Variants in BANK1 observed in about 807,000 individuals in gnomAD.
The protein encoded by BANK1 is B cell scaffold protein with ankyrin repeats 1, also known as B-cell scaffold protein with ankyrin repeats.
A neutral mutation model predicts 94.5 loss-of-function variants in BANK1; 95 were observed. The ratio of observed to expected loss-of-function variants is 1.00; its 90% CI spans 0.85 to 1.19. BANK1 has a LOEUF of 1.19. Ranked by LOEUF, BANK1 falls within the 50% of genes most tolerant of loss-of-function variation. The pLI is 0.00. For missense variants in BANK1, 987 were observed against 932.2 expected (o/e 1.06, Z -0.77); for synonymous variants, 334 against 308.4 (o/e 1.08, Z -0.87).
At chr4:101,958,906 T>C (rs1218424102) in intron 7 of BANK1, among the ~76,000 whole-genome samples, 1 of 152,176 alleles carries the variant, frequency 6.6e-6, no homozygotes, top group Non-Finnish European at 1.5e-5. Context: ...ATATAGATGA[T>C]CAAGTATTTG....
chr4:102,057,583 G>A (rs1728273673), intron 11 of BANK1, among the ~76,000 whole-genome samples: 2 of 151,974 alleles, frequency 1.3e-5, no homozygotes, highest in South Asian at 4.2e-4. Flanking sequence ...CACCTGCATC[G>A]GCCTCCCAAA....
At chr4:101,853,057 G>A (rs1727551270) in intron 2 of BANK1, among the ~76,000 whole-genome samples, 1 of 152,032 alleles carries the variant, frequency 6.6e-6, no homozygotes, top group African/African-American at 2.4e-5. Flanking sequence ...GTGTGTATAA[G>A]CCAGGAGGAA....
intron 4 of BANK1, among the ~76,000 whole-genome samples, chr4:101,865,063 A>C (rs1312036141): frequency 6.6e-6 from 1 of 152,088 alleles, no homozygotes; most frequent in African/African-American, 2.4e-5. Flanking sequence ...AGGGTTGGAG[A>C]CAGGAGGATG....
chr4:101,825,223 A>G (rs929975160), intron 1 of BANK1, among the ~76,000 whole-genome samples: 8 of 152,098 alleles, frequency 5.3e-5, no homozygotes, highest in African/African-American at 1.9e-4. Context: ...CTGTGCTTCA[A>G]GTTTATCATT....
At chr4:101,880,583 A>C (rs914878687) in intron 5 of BANK1, among the ~76,000 whole-genome samples, 1 of 152,142 alleles carries the variant, frequency 6.6e-6, no homozygotes, top group African/African-American at 2.4e-5. Flanking sequence ...ACTATCCTAA[A>C]GTTTATATGA....
At chr4:102,012,149 T>C (rs1434373365) in intron 7 of BANK1, among the ~76,000 whole-genome samples, 1 of 152,158 alleles carries the variant, frequency 6.6e-6, no homozygotes. Context: ...GGAAAAGAAA[T>C]ACTTAGGGTA....
intron 2 of BANK1, among the ~76,000 whole-genome samples, chr4:101,846,111 T>C (rs1458307380): frequency 6.6e-6 from 1 of 152,028 alleles, no homozygotes; most frequent in African/African-American, 2.4e-5. Context: ...TGAGAACATG[T>C]GGTGTTTGGC....
chr4:102,025,614 T>TGGTTTCAAAAGC, intron 9 of BANK1, 105 bp downstream of exon 9: 2 of 1,057,276 alleles, frequency 1.9e-6, no homozygotes, highest in Non-Finnish European at 2.7e-6. Flanking sequence ...AGATCAGCTT[T>TGGTTTCAAAAGC]TGAAACCAAT....
At chr4:101,983,120 A>G (rs1725375245) in intron 7 of BANK1, among the ~76,000 whole-genome samples, 3 of 152,064 alleles carry the variant, frequency 2.0e-5, no homozygotes, top group African/African-American at 7.2e-5. Context: ...TTTTCTTCTT[A>G]TGCCTAATAA....
chr4:101,982,856 A>G (rs960270222), intron 7 of BANK1, among the ~76,000 whole-genome samples: 2 of 151,940 alleles, frequency 1.3e-5, no homozygotes, highest in African/African-American at 4.8e-5. Context: ...CATATTTAAT[A>G]ATTTTATTCT....
intron 2 of BANK1, among the ~76,000 whole-genome samples, chr4:101,833,641 G>C (rs1231288675): frequency 6.6e-6 from 1 of 151,996 alleles, no homozygotes; most frequent in East Asian, 1.9e-4. Context: ...TCTTTTCTCT[G>C]TTTCCTCCTG....
intron 7 of BANK1, among the ~76,000 whole-genome samples, chr4:101,998,384 G>A (rs1578445041): frequency 6.6e-6 from 1 of 152,270 alleles, no homozygotes; most frequent in Admixed American, 6.5e-5. Context: ...TGAGAAGAAT[G>A]TATATTCTGT....
chr4:101,854,541 C>T (rs1422992420), intron 2 of BANK1, among the ~76,000 whole-genome samples: 3 of 151,832 alleles, frequency 2.0e-5, no homozygotes, highest in Non-Finnish European at 4.4e-5. Context: ...CACTATTAAA[C>T]CAGTATTTCC....
intron 7 of BANK1, among the ~76,000 whole-genome samples, chr4:102,019,302 A>G (rs574767580): frequency 6.6e-6 from 1 of 152,338 alleles, no homozygotes; most frequent in South Asian, 2.1e-4. Flanking sequence ...AAAATATTTG[A>G]CGAATGAATG....
At position 101,855,173 on chromosome 4, in the gene BANK1, C is replaced by T. The variant is rs1727635097; in HGVS notation, c.608C>T (p.Thr203Ile). ...NTIPLAVVLPTEIPCENPGEI... is the reference protein window; with the variant it reads ...NTIPLAVVLPIEIPCENPGEI... Reference sequence around the variant, plus strand: ...ATACCACTAGCAGTGGTGCTTCCCACTGAAATTCCATGTGAGGTCAGTAAA... The same window carrying T: ...ATACCACTAGCAGTGGTGCTTCCCATTGAAATTCCATGTGAGGTCAGTAAA... Residue 203 changes from threonine to isoleucine, a missense_variant, in exon 3 of 17, where the codon ACT becomes ATT. Physicochemically the swap from Thr to Ile is moderately conservative, Grantham distance 89. Transcript: ENST00000322953. 1 of 1,613,006 alleles carries T rather than the reference C, an allele frequency of 6.2e-7. No homozygotes were observed. The highest frequency in any genetic ancestry group is 1.3e-5 in the African/African-American group (1 of 74,988).
intron 7 of BANK1, among the ~76,000 whole-genome samples, chr4:101,946,238 T>TG (rs1723925864): frequency 6.6e-6 from 1 of 151,926 alleles, no homozygotes; most frequent in African/African-American, 2.4e-5. Context: ...GAGATAATAT[T>TG]TAAAAAGAAC....
At chr4:101,837,138 T>A (rs986899441) in intron 2 of BANK1, among the ~76,000 whole-genome samples, 10 of 152,246 alleles carry the variant, frequency 6.6e-5, no homozygotes, top group African/African-American at 1.4e-4. Context: ...CAATTTTTTT[T>A]AAATTAGCAG....
intron 7 of BANK1, among the ~76,000 whole-genome samples, chr4:101,960,300 T>A (rs1297766305): frequency 6.6e-6 from 1 of 152,022 alleles, no homozygotes; most frequent in Admixed American, 6.6e-5. Context: ...TATTCTATAC[T>A]CAAGGTAGAT....
intron 8 of BANK1, 74 bp downstream of exon 8, chr4:102,021,666 A>G: frequency 1.7e-6 from 1 of 606,038 alleles, no homozygotes; most frequent in Admixed American, 4.3e-5. Context: ...CTTATGGAAG[A>G]TGTAACTGAA....
Sources: gnomAD v4.1 joint callset for allele counts (sites outside exome capture counted in the v4.1 genomes callset) on GRCh38, gnomAD v4.1.1 for gene constraint, MANE v1.5 for transcripts, NCBI Gene and HGNC (gene_info 2026-07-23, HGNC 2026-07-21) for gene names.